Variants in PRKCH observed in about 807,000 individuals in gnomAD.
PRKCH encodes protein kinase C eta.
Under a neutral mutation model 82.5 loss-of-function variants are expected in PRKCH, and 28 were observed. That is an observed-to-expected ratio of 0.34 (90% CI 0.25 to 0.47). PRKCH has a LOEUF of 0.47. Among genes scored for constraint, PRKCH ranks in the 20% least tolerant of loss-of-function variants. The pLI is 1.00. For synonymous variants in PRKCH, 322 were observed against 327.4 expected (o/e 0.98, Z 0.18); for missense variants, 705 against 881.8 (o/e 0.80, Z 2.54).
intron 2 of PRKCH, among the ~76,000 whole-genome samples, chr14:61,440,137 G>C (rs1883887140): frequency 6.6e-6 from 1 of 152,232 alleles, no homozygotes. Flanking sequence ...GCTGGATAGA[G>C]AGTGATACCA....
chr14:61,531,095 A>G (rs1260508383), intron 12 of PRKCH, among the ~76,000 whole-genome samples: 2 of 152,166 alleles, frequency 1.3e-5, no homozygotes, highest in Non-Finnish European at 2.9e-5. Context: ...TGTTATTCTT[A>G]TGAAAGCCGG....
intron 1 of PRKCH, among the ~76,000 whole-genome samples, chr14:61,242,004 T>C (rs932026378): frequency 2.0e-5 from 3 of 152,114 alleles, no homozygotes; most frequent in South Asian, 4.1e-4. Flanking sequence ...GAACTAAGAA[T>C]TGGGAATCTA....
At chr14:61,423,070 C>T (rs887469408) in intron 2 of PRKCH, among the ~76,000 whole-genome samples, 1 of 152,112 alleles carries the variant, frequency 6.6e-6, no homozygotes, top group Non-Finnish European at 1.5e-5. Flanking sequence ...GTGTTGGAGC[C>T]TAAGTTAAAA....
chr14:61,367,760 G>T lies in PRKCH; in HGVS notation c.364-23465G>T, dbSNP rs555056060. 3.5e-3 allele frequency among the ~76,000 whole-genome samples: 522 copies of T among 148,898 alleles called. 13 individuals are homozygous for T. Among genetic ancestry groups the T allele is most frequent in the African/African-American group, 0.013 (498 of 39,760 alleles). ...TAAACAGTCTCGCTCTTTCACCCAG[G>T]CTGGAGTGCAGTGGCGCAATCTCGG... On this transcript the variant is annotated intron_variant, in intron 1 of 13. Transcript: ENST00000332981.
intron 2 of PRKCH, among the ~76,000 whole-genome samples, chr14:61,425,141 G>C (rs1472474999): frequency 6.6e-6 from 1 of 152,254 alleles, no homozygotes; most frequent in Non-Finnish European, 1.5e-5. Flanking sequence ...CAGTGCAAAG[G>C]GAAAGTGAGG....
chr14:61,188,642 G>A (rs1298242878), intron 1 of PRKCH, among the ~76,000 whole-genome samples: 3 of 107,110 alleles, frequency 2.8e-5, no homozygotes, highest in Non-Finnish European at 4.2e-5. Flanking sequence ...GTGTGTGTGT[G>A]TGTGTGTGTG....
intron 10 of PRKCH, among the ~76,000 whole-genome samples, chr14:61,518,928 C>G (rs889301515): frequency 6.6e-6 from 1 of 152,084 alleles, no homozygotes; most frequent in African/African-American, 2.4e-5. Context: ...TCCTCTCACC[C>G]CAGCCTCCCA....
At chr14:61,418,131 G>A (rs1882655908) in intron 2 of PRKCH, among the ~76,000 whole-genome samples, 1 of 152,180 alleles carries the variant, frequency 6.6e-6, no homozygotes, top group Non-Finnish European at 1.5e-5. Flanking sequence ...AGTGAGTTCT[G>A]CGCTTACATT....
chr14:61,483,947 A>G (rs1159101729), intron 9 of PRKCH, among the ~76,000 whole-genome samples: 1 of 152,166 alleles, frequency 6.6e-6, no homozygotes, highest in Non-Finnish European at 1.5e-5. Flanking sequence ...AGGCTGAGGT[A>G]GGAGGATTGC....
At chr14:61,318,721 G>T (rs573068403), upstream of PRKCH, among the ~76,000 whole-genome samples, 1 of 151,516 alleles carries the variant, frequency 6.6e-6, no homozygotes, top group Admixed American at 6.6e-5. Flanking sequence ...CTCACCTCTG[G>T]ACTTTGGCAA....
intron 1 of PRKCH, among the ~76,000 whole-genome samples, chr14:61,337,292 C>T (rs115842106): frequency 3.6e-3 from 545 of 152,018 alleles, no homozygotes; most frequent in African/African-American, 0.012. Context: ...CATAGGCGTG[C>T]GCCACCAAGC....
chr14:61,537,227 C>T (rs376440462), intron 12 of PRKCH, among the ~76,000 whole-genome samples: 55 of 152,260 alleles, frequency 3.6e-4, no homozygotes, highest in Middle Eastern at 3.4e-3. Flanking sequence ...GCCTGACCTG[C>T]GACTCGCAGA....
At chr14:61,451,006 A>C in intron 6 of PRKCH, 35 bp downstream of exon 6, 1 of 1,608,898 alleles carries the variant, frequency 6.2e-7, no homozygotes, top group Non-Finnish European at 8.5e-7. Context: ...CCACCTCTTC[A>C]TGGGAACACT....
At chr14:61,416,620 C>G (rs1366674597) in intron 2 of PRKCH, among the ~76,000 whole-genome samples, 1 of 152,060 alleles carries the variant, frequency 6.6e-6, no homozygotes, top group Admixed American at 6.5e-5. Context: ...TACAACACCC[C>G]CTAACCTCTT....
intron 1 of PRKCH, among the ~76,000 whole-genome samples, chr14:61,343,520 A>G (rs1051602754): frequency 3.3e-5 from 5 of 152,192 alleles, no homozygotes; most frequent in African/African-American, 1.2e-4. Flanking sequence ...TGGAGCTGTG[A>G]TAGAACCAGG....
intron 10 of PRKCH, among the ~76,000 whole-genome samples, chr14:61,517,741 A>T (rs762651043): frequency 6.6e-6 from 1 of 152,226 alleles, no homozygotes; most frequent in Non-Finnish European, 1.5e-5. Context: ...TCTGTGCCAC[A>T]GCCACCCCTG....
chr14:61,269,125 A>C (rs2045129145), intron 1 of PRKCH, among the ~76,000 whole-genome samples: 1 of 152,226 alleles, frequency 6.6e-6, no homozygotes, highest in South Asian at 2.1e-4. Context: ...AGTTAGAGCC[A>C]AAAATTTTTT....
At chr14:61,362,348 A>T (rs1950052934) in intron 1 of PRKCH, among the ~76,000 whole-genome samples, 1 of 151,904 alleles carries the variant, frequency 6.6e-6, no homozygotes, top group African/African-American at 2.4e-5. Flanking sequence ...CTTAAAAAAA[A>T]AAAAAAAAAA....
At chr14:61,430,337 A>G (rs1307778111) in intron 2 of PRKCH, among the ~76,000 whole-genome samples, 1 of 152,226 alleles carries the variant, frequency 6.6e-6, no homozygotes, top group Non-Finnish European at 1.5e-5. Flanking sequence ...GGAGCACTAG[A>G]ACTTTTCATA....
Sources: gnomAD v4.1 joint callset for allele counts (sites outside exome capture counted in the v4.1 genomes callset) on GRCh38, gnomAD v4.1.1 for gene constraint, MANE v1.5 for transcripts, NCBI Gene and HGNC (gene_info 2026-07-23, HGNC 2026-07-21) for gene names.